Variants in KCNIP1 observed in about 807,000 individuals in gnomAD.
KCNIP1 encodes the protein potassium voltage-gated channel interacting protein 1, also known as A-type potassium channel modulatory protein KCNIP1.
In KCNIP1, 18 loss-of-function variants were observed where a neutral mutation model predicts 33.0. That is an observed-to-expected ratio of 0.55 (90% CI 0.38 to 0.81). The LOEUF (loss-of-function observed/expected upper bound fraction) is 0.81. KCNIP1 is among the 30% of genes least tolerant of loss of function. The pLI is 0.00. For missense variants in KCNIP1, 238 were observed against 271.6 expected, an observed-to-expected ratio of 0.88 and a Z score of 0.87; for synonymous variants, 93 against 98.3, an observed-to-expected ratio of 0.95 and a Z score of 0.32.
At chr5:170,721,692 G>A in intron 3 of KCNIP1, 141 bp from the exon 4 acceptor site, 1 of 1,579,434 alleles carries the variant, frequency 6.3e-7, no homozygotes, top group Non-Finnish European at 8.7e-7. Context: ...TGAGTCAATG[G>A]GCCCCACTCC....
chr5:170,593,702 T>A (rs1272907492), intron 1 of KCNIP1, among the ~76,000 whole-genome samples: 1 of 152,134 alleles, frequency 6.6e-6, no homozygotes, highest in East Asian at 1.9e-4. Flanking sequence ...AAGCGAGACA[T>A]CATCCCCGGC....
At position 170,624,481 on chromosome 5, in the gene KCNIP1, C is replaced by T. The variant is rs1759736021; in HGVS notation, c.62-94277C>T. 2.0e-5 allele frequency among the ~76,000 whole-genome samples: 3 copies of T among 152,042 alleles called. 1 individual carries two copies. The South Asian group carries it at 6.2e-4, about 32-fold the overall frequency. On this transcript the variant is annotated intron_variant, in intron 1 of 7. Transcript: ENST00000328939. ...TTAACTGTATTCTCTCGTTTTCCTTCCTCTCCATTTTACAATCATTTTACA... is the reference window on the plus strand; with the variant it reads ...TTAACTGTATTCTCTCGTTTTCCTTTCTCTCCATTTTACAATCATTTTACA...
intron 1 of KCNIP1, among the ~76,000 whole-genome samples, chr5:170,601,095 A>C (rs1007687266): frequency 6.6e-6 from 1 of 152,244 alleles, no homozygotes; most frequent in Non-Finnish European, 1.5e-5. Context: ...GATTCTAAAG[A>C]TTACAAACAC....
At chr5:170,386,464 A>G (rs959221935) in intron 1 of KCNIP1, among the ~76,000 whole-genome samples, 5 of 152,194 alleles carry the variant, frequency 3.3e-5, no homozygotes, top group African/African-American at 7.2e-5. Context: ...ATCATTTGCT[A>G]CAACAGTCAT....
intron 1 of KCNIP1, among the ~76,000 whole-genome samples, chr5:170,652,524 A>AG (rs1278271616): frequency 2.5e-4 from 32 of 129,864 alleles, no homozygotes; most frequent in African/African-American, 8.5e-4. Context: ...GAAGGAGAAA[A>AG]GAAAAAAGAA....
intron 1 of KCNIP1, among the ~76,000 whole-genome samples, chr5:170,626,679 T>C (rs1759841112): frequency 6.6e-6 from 1 of 152,214 alleles, no homozygotes; most frequent in East Asian, 1.9e-4. Context: ...GCCCGAGTGC[T>C]GCCCCAGAAG....
chr5:170,374,685 G>A (rs1581121252), intron 1 of KCNIP1: 1 of 152,242 alleles, frequency 6.6e-6, no homozygotes, highest in East Asian at 1.9e-4. Context: ...TAGCAGAGTG[G>A]TTTATTAAGA....
At chr5:170,622,154 G>A (rs536392870) in intron 1 of KCNIP1, among the ~76,000 whole-genome samples, 4 of 152,206 alleles carry the variant, frequency 2.6e-5, no homozygotes, top group Non-Finnish European at 5.9e-5. Context: ...TCAAGATTCC[G>A]TCTGTGGTGG....
intron 1 of KCNIP1, among the ~76,000 whole-genome samples, chr5:170,456,892 C>A (rs1056840288): frequency 2.0e-5 from 3 of 151,786 alleles, no homozygotes; most frequent in African/African-American, 7.3e-5. Flanking sequence ...CTAATGTTTT[C>A]AATTTTTTGT....
At chr5:170,679,807 C>T (rs1762269028) in intron 1 of KCNIP1, among the ~76,000 whole-genome samples, 1 of 151,626 alleles carries the variant, frequency 6.6e-6, no homozygotes, top group Non-Finnish European at 1.5e-5. Context: ...TAATGGCTCA[C>T]ATGGTACTCC....
chr5:170,722,719 G>A lies in KCNIP1; in HGVS notation c.334G>A (p.Val112Ile). ...QTGSVKFEDF[V>I]TALSILLRGT... The stretch of plus-strand genomic sequence containing the variant: ...TGCCTTTTCCCCTTCTCAGGACTTT[G>A]TAACCGCTCTGTCGATTTTATTGAG... The change falls in exon 5 of 8, where the codon GTA (valine) becomes ATA (isoleucine). Residue 112 changes from valine (V) to isoleucine (I), a missense_variant. By Grantham distance (29) the Val-to-Ile change is conservative. Coordinates refer to ENST00000328939, the MANE Select transcript of KCNIP1 (RefSeq NM_014592.4). The A allele has an allele frequency of 6.2e-7, 1 of 1,611,894 alleles. No homozygotes were observed.
intron 1 of KCNIP1, among the ~76,000 whole-genome samples, chr5:170,367,400 AG>A (rs1242725751): frequency 5.5e-5 from 7 of 128,230 alleles, no homozygotes; most frequent in African/African-American, 1.9e-4. Context: ...AAAGAAAGAA[AG>A]AAAGAAAGAA....
At chr5:170,620,602 A>G (rs768313198) in intron 1 of KCNIP1, among the ~76,000 whole-genome samples, 13 of 152,188 alleles carry the variant, frequency 8.5e-5, no homozygotes, top group Admixed American at 6.5e-5. Context: ...TGCCTGATCT[A>G]TGGACTTCTT....
intron 1 of KCNIP1, among the ~76,000 whole-genome samples, chr5:170,621,126 A>G (rs183983110): frequency 6.6e-6 from 1 of 152,080 alleles, no homozygotes; most frequent in East Asian, 1.9e-4. Context: ...CCAAAGTCAC[A>G]CTCTTTTCTC....
chr5:170,710,416 A>T (rs1202567056), intron 1 of KCNIP1, among the ~76,000 whole-genome samples: 2 of 152,208 alleles, frequency 1.3e-5, no homozygotes. Context: ...CATTATTTTA[A>T]AGCCCAGATA....
chr5:170,483,275 G>A (rs949063471), intron 1 of KCNIP1: 3 of 273,482 alleles, frequency 1.1e-5, no homozygotes. Flanking sequence ...GGACTAAAAA[G>A]ATGAAAGCCA....
At chr5:170,624,723 C>CGGG (rs1461838430) in intron 1 of KCNIP1, among the ~76,000 whole-genome samples, 1,333 of 34,294 alleles carry the variant, frequency 0.039, 40 homozygotes, top group South Asian at 0.081. Flanking sequence ...GGAAAGGAGA[C>CGGG]CGGGGAGGTG....
intron 1 of KCNIP1, among the ~76,000 whole-genome samples, chr5:170,529,870 C>G (rs1755719359): frequency 6.6e-6 from 1 of 152,214 alleles, no homozygotes; most frequent in Non-Finnish European, 1.5e-5. Flanking sequence ...ATATGGTCTT[C>G]CCCGAGAATG....
intron 1 of KCNIP1, among the ~76,000 whole-genome samples, chr5:170,461,199 T>C (rs1402131817): frequency 1.3e-5 from 2 of 152,220 alleles, no homozygotes; most frequent in African/African-American, 2.4e-5. Flanking sequence ...TGCTCATGTA[T>C]GGGTAGATTA....
Sources: gnomAD v4.1 joint callset for allele counts (sites outside exome capture counted in the v4.1 genomes callset) on GRCh38, gnomAD v4.1.1 for gene constraint, MANE v1.5 for transcripts, NCBI Gene and HGNC (gene_info 2026-07-23, HGNC 2026-07-21) for gene names.